The following CDC25B variants were observed in gnomAD, a reference collection of about 807,000 sequenced individuals.
CDC25B encodes the protein cell division cycle 25B, also known as M-phase inducer phosphatase 2.
CDC25B carries 33 observed loss-of-function variants against 69.8 expected under a neutral mutation model. The observed-to-expected ratio is 0.47, with a 90% CI of 0.36 to 0.63. The LOEUF (loss-of-function observed/expected upper bound fraction) is 0.63. Ranked by LOEUF, CDC25B falls within the 30% of genes least tolerant of loss-of-function variation. CDC25B has a pLI of 0.00. For missense variants in CDC25B, 727 were observed against 809.1 expected (o/e 0.90, Z 1.23); for synonymous variants, 341 against 314.6 (o/e 1.08, Z -0.89).
At chr20:3,801,532 C>A in intron 8 of CDC25B, 144 bp downstream of exon 8, 1 of 1,194,802 alleles carries the variant, frequency 8.4e-7, no homozygotes, top group Non-Finnish European at 1.2e-6. Context: ...ACAGCCTAAC[C>A]TCTGGCCAAT....
rs1654775721 is a variant in CDC25B at position 3,805,366 on chromosome 20, C to T, written c.*405C>T. 3.8e-6 allele frequency: 1 copy of T among 262,672 alleles called. No individual in the cohort carries two copies. Among genetic ancestry groups the T allele is most frequent in the African/African-American group, 2.2e-5 (1 of 46,132 alleles). The allele number at this position is 262,672 out of a possible 1,614,324, so 16.3% of individuals were successfully genotyped here. A position where few individuals can be genotyped will look rare whatever the true frequency, so the allele number is the denominator to read the frequency against. On this transcript the variant is annotated 3_prime_UTR_variant, in exon 16 of 16. Transcript: ENST00000245960. ...AGGATGGGTCAGAGCTAAACTCCTT[C>T]CTGGCCTGAGAGTCAGCTCTCTGCC...
At chr20:3,797,426 G>A (rs1416897988) in intron 1 of CDC25B, among the ~76,000 whole-genome samples, 196 bp from the exon 2 acceptor site, 2 of 152,216 alleles carry the variant, frequency 1.3e-5, no homozygotes, top group Admixed American at 1.3e-4. Context: ...ACCAGTCAAC[G>A]AAGAGAAGAC....
In CDC25B at chr20:3,805,539, G is replaced by A. The variant is rs2089448065; in HGVS notation, c.*578G>A. Reference sequence around the variant, plus strand: ...GAAGCTCTTACTCTTTCCTATTTCAGTGTTACCTGTGTGCTTGGTCTGTTT... The same window carrying A: ...GAAGCTCTTACTCTTTCCTATTTCAATGTTACCTGTGTGCTTGGTCTGTTT... On this transcript the variant is annotated 3_prime_UTR_variant, in exon 16 of 16. Transcript: ENST00000245960. The A allele has an allele frequency of 2.6e-6, 1 of 381,594 alleles. No individual in the cohort carries two copies. Among genetic ancestry groups the A allele is most frequent in the Non-Finnish European group, 4.6e-6 (1 of 215,802 alleles). 23.6% of individuals were successfully genotyped at this position (381,594 alleles called of 1,614,324 possible).
chr20:3,793,511 C>A (rs959443106), upstream of CDC25B, among the ~76,000 whole-genome samples: 2 of 151,354 alleles, frequency 1.3e-5, no homozygotes, highest in East Asian at 1.9e-4. Flanking sequence ...CACCTCCCCC[C>A]TCACTGGCCC....
chr20:3,803,383 G>A lies in CDC25B; in HGVS notation c.1357-21G>A, dbSNP rs761090756. The A allele has an allele frequency of 1.2e-6, 2 of 1,614,046 alleles. No homozygotes were observed. The highest frequency in any genetic ancestry group is 1.7e-6 in the Non-Finnish European group (2 of 1,179,984). ...GACTCCTGGACCCGGGGCTGTGCCT[G>A]ACCTCTGGCTCCTCTGACAGACTGC... On this transcript the variant is annotated intron_variant, in intron 13 of 15. Coordinates refer to ENST00000245960, the MANE Select transcript of CDC25B (RefSeq NM_021873.4). The surrounding 1 kb of genome is among the most constrained non-coding windows in gnomAD (Gnocchi z 4.9).
chr20:3,798,781 G>A (rs879282763), intron 3 of CDC25B, among the ~76,000 whole-genome samples: 7 of 152,152 alleles, frequency 4.6e-5, no homozygotes, highest in African/African-American at 7.2e-5. Flanking sequence ...CGTATGTCCC[G>A]TTTTTCTTTC....
upstream of CDC25B, among the ~76,000 whole-genome samples, chr20:3,794,935 A>G (rs1367243931): frequency 6.6e-6 from 1 of 152,136 alleles, no homozygotes; most frequent in Non-Finnish European, 1.5e-5. Context: ...CCACCCGCCC[A>G]GCCAGAGGCC....
chr20:3,801,811 C>G lies in CDC25B; in HGVS notation c.921+9C>G. On this transcript the variant is annotated intron_variant, in intron 9 of 15. Coordinates refer to ENST00000245960, the MANE Select transcript of CDC25B (RefSeq NM_021873.4). The stretch of plus-strand genomic sequence containing the variant: ...AAAAGGAAGAGGAAAAGGTGGGCCT[C>G]TGGGGTGGCCCCCTCCGAATTTGGA... 1 of 1,595,726 alleles carries G rather than the reference C, an allele frequency of 6.3e-7. No homozygotes were observed. The highest frequency in any genetic ancestry group is 8.5e-7 in the Non-Finnish European group (1 of 1,171,422).
chr20:3,805,168 G>A lies in CDC25B; in HGVS notation c.*207G>A. 1.7e-6 allele frequency: 1 copy of A among 597,202 alleles called. No individual in the cohort carries two copies. The allele number at this position is 597,202 out of a possible 1,614,324, so 37.0% of individuals were successfully genotyped here. ...ATCCTGGTGCCCCCCACCCCTGGAA[G>A]AGCCCAGTCTGTTGAGTTAGTTAAG... On this transcript the variant is annotated 3_prime_UTR_variant, in exon 16 of 16. Transcript: ENST00000245960.
rs375603041 is a variant in CDC25B, at chr20:3,804,999, G to A, written c.*38G>A. 1.6e-4 allele frequency: 259 copies of A among 1,595,790 alleles called. No individual in the cohort carries two copies. The highest frequency in any genetic ancestry group is 7.4e-4 in the African/African-American group (55 of 74,742). ...AGTCCTGCTACCTCCCTTGCCTTTC[G>A]AGGCCTGAAGCCAGCTGCCCTATGG... is the stretch of plus-strand genomic sequence containing the variant. On this transcript the variant is annotated 3_prime_UTR_variant, in exon 16 of 16. Coordinates refer to ENST00000245960, the MANE Select transcript of CDC25B (RefSeq NM_021873.4).
At chr20:3,787,123 C>G (rs2088839055) in exon 1 of CDC25B, 2 of 661,954 alleles carry the variant, frequency 3.0e-6, no homozygotes, top group Non-Finnish European at 5.4e-6. Context: ...TTTCACGTCA[C>G]CTGGAGAGAT....
intron 1 of CDC25B, among the ~76,000 whole-genome samples, chr20:3,788,775 TTCTC>T (rs1216466658): frequency 6.7e-6 from 1 of 149,988 alleles, no homozygotes; most frequent in Admixed American, 6.6e-5. Context: ...CCTTCTTTCT[TTCTC>T]TTTCTCTCTT....
At position 3,800,188 on chromosome 20, in the gene CDC25B, T is replaced by A. The variant is rs11569999; in HGVS notation, c.381-100T>A. ...TTCCACTGCCTTGAGCCTTGGCCCTTGTCTTTGCCCTTACTCCCCCCTGGA... is the reference window on the plus strand; with the variant it reads ...TTCCACTGCCTTGAGCCTTGGCCCTAGTCTTTGCCCTTACTCCCCCCTGGA... On this transcript the variant is annotated intron_variant, in intron 3 of 15. Coordinates refer to ENST00000245960, the MANE Select transcript of CDC25B (RefSeq NM_021873.4). The A allele has an allele frequency of 0.019, 10,808 of 557,436 alleles. 812 individuals carry two copies. The African/African-American group carries it at 0.26, about 14-fold the overall frequency. 34.5% of individuals were successfully genotyped at this position (557,436 alleles called of 1,614,324 possible). A position where few individuals can be genotyped will look rare whatever the true frequency, so the allele number is the denominator to read the frequency against.
chr20:3,796,625 C>T lies in CDC25B; in HGVS notation c.94C>T (p.Leu32Phe). The change falls in exon 1 of 16, where the codon CTC becomes TTC. Residue 32 changes from leucine (L) to phenylalanine (F), a missense_variant. Transcript: ENST00000245960. ...GAQRPGHLPG[L>F]LLGSHGLLGS... ...CCAGCGTCCGGGCCACCTCCCGGGCCTCCTGCTGGGATCTCATGGCCTCCT... is the reference window on the plus strand; with the variant it reads ...CCAGCGTCCGGGCCACCTCCCGGGCTTCCTGCTGGGATCTCATGGCCTCCT... The T allele has an allele frequency of 6.9e-7, 1 of 1,455,494 alleles. No individual in the cohort carries two copies. The highest frequency in any genetic ancestry group is 2.7e-5 in the East Asian group (1 of 36,524). 90.2% of individuals were successfully genotyped at this position (1,455,494 alleles called of 1,614,324 possible).
chr20:3,796,068 C>G, upstream of CDC25B: 1 of 1,005,872 alleles, frequency 9.9e-7, no homozygotes, highest in South Asian at 4.1e-5. Context: ...CAAACCATGT[C>G]GCGAGAGGCG....
chr20:3,794,095 A>G (rs1329587768), upstream of CDC25B, among the ~76,000 whole-genome samples: 1 of 150,250 alleles, frequency 6.7e-6, no homozygotes, highest in South Asian at 2.1e-4. Context: ...ATGATTTATA[A>G]TCCTTTGGGT....
In CDC25B at chr20:3,797,581, G is replaced by A. The variant is rs755049739; in HGVS notation, c.201-41G>A. 1.2e-5 allele frequency: 19 copies of A among 1,611,142 alleles called. No homozygotes were observed. The Admixed American group carries it at 2.3e-4, about 20-fold the overall frequency. ...GGGCTAGCCAGGCCTTGAGCCCCAC[G>A]TTTACCTTTCTCCTTTCCCGGGTCC... On this transcript the variant is annotated intron_variant, in intron 1 of 15. Transcript: ENST00000245960.
At chr20:3,798,335 T>C in intron 2 of CDC25B, 77 bp from the exon 3 acceptor site, 2 of 686,984 alleles carry the variant, frequency 2.9e-6, no homozygotes, top group South Asian at 3.5e-5. Context: ...TTTTTTTTTT[T>C]TTCATATTGG....
chr20:3,786,977 C>G, exon 1 of CDC25B: 1 of 534,968 alleles, frequency 1.9e-6, no homozygotes, highest in Non-Finnish European at 3.2e-6. Context: ...GCTACTGCGC[C>G]CGGCGGACAG....
Sources: allele counts gnomAD v4.1 joint callset (sites outside exome capture counted in the v4.1 genomes callset), GRCh38; gene constraint gnomAD v4.1.1; non-coding constraint Gnocchi (gnomAD v3.1); transcripts MANE v1.5; gene names NCBI Gene and HGNC (gene_info 2026-07-23, HGNC 2026-07-21).